CTNNA2: variants seen among roughly 807,000 people sequenced by gnomAD.
CTNNA2 encodes catenin alpha-2.
In CTNNA2, 42 loss-of-function variants were observed where a neutral mutation model predicts 101.0. The observed-to-expected ratio is 0.42, with a 90% CI of 0.32 to 0.54. The LOEUF (loss-of-function observed/expected upper bound fraction) is 0.54. Among genes scored for constraint, CTNNA2 ranks in the 20% least tolerant of loss-of-function variants. The pLI is 0.14. For missense variants in CTNNA2, 871 were observed against 1,223.1 expected, an observed-to-expected ratio of 0.71 and a Z score of 4.29; for synonymous variants, 450 against 456.4, an observed-to-expected ratio of 0.99 and a Z score of 0.18.
At chr2:80,009,279 T>G (rs1693598215) in intron 7 of CTNNA2, among the ~76,000 whole-genome samples, 1 of 152,222 alleles carries the variant, frequency 6.6e-6, no homozygotes, top group Admixed American at 6.5e-5. Context: ...GTGATTATTT[T>G]ACTCTGAGAA....
intron 1 of CTNNA2, among the ~76,000 whole-genome samples, chr2:79,617,641 A>G (rs1051360261): frequency 7.9e-5 from 12 of 152,158 alleles, no homozygotes; most frequent in African/African-American, 2.6e-4. Flanking sequence ...CATATTTCTG[A>G]ATATTTTAGA....
At chr2:79,870,035 T>C (rs1305351735) in intron 5 of CTNNA2, 100 bp downstream of exon 5, 7 of 1,419,536 alleles carry the variant, frequency 4.9e-6, no homozygotes, top group Middle Eastern at 3.6e-4. Flanking sequence ...ATCTGCTTGC[T>C]ATCAAATGCC....
At chr2:80,049,977 C>T (rs1441520667) in intron 7 of CTNNA2, among the ~76,000 whole-genome samples, 1 of 152,140 alleles carries the variant, frequency 6.6e-6, no homozygotes, top group Non-Finnish European at 1.5e-5. Flanking sequence ...GACTCTCAGT[C>T]ACCTGCTACC....
rs1026146770 is a variant in CTNNA2, at chr2:80,647,953, C to G, written c.*81C>G. The G allele has an allele frequency of 7.4e-7, 1 of 1,353,640 alleles. No individual in the cohort carries two copies. The highest frequency in any genetic ancestry group is 1.5e-5 in the African/African-American group (1 of 68,052). The allele number at this position is 1,353,640 out of a possible 1,614,324, so 83.9% of individuals were successfully genotyped here. A position where few individuals can be genotyped will look rare whatever the true frequency, so the allele number is the denominator to read the frequency against. ...TTTAATTCCATTTTTGTATGCATAC[C>G]TGCCAGCTCGTATGCCTCTGGCATG... On this transcript the variant is annotated 3_prime_UTR_variant, in exon 19 of 19. Transcript: ENST00000402739.
At chr2:79,904,147 G>A (rs1022216590) in intron 6 of CTNNA2, among the ~76,000 whole-genome samples, 2 of 152,086 alleles carry the variant, frequency 1.3e-5, no homozygotes, top group African/African-American at 4.8e-5. Flanking sequence ...AAACTCTTCT[G>A]GAAGTATTTT....
chr2:80,451,329 T>G (rs1055548448), intron 9 of CTNNA2, among the ~76,000 whole-genome samples: 1 of 152,114 alleles, frequency 6.6e-6, no homozygotes, highest in Admixed American at 6.5e-5. Flanking sequence ...TATAAGGAGC[T>G]TTTCCCCCTT....
At chr2:79,533,066 A>G (rs776634093) in intron 1 of CTNNA2, among the ~76,000 whole-genome samples, 2 of 151,560 alleles carry the variant, frequency 1.3e-5, no homozygotes, top group Non-Finnish European at 1.5e-5. Context: ...GACCTTCTAC[A>G]TGTCATTGAA....
intron 3 of CTNNA2, among the ~76,000 whole-genome samples, chr2:79,751,200 T>C (rs906221312): frequency 1.3e-5 from 2 of 152,124 alleles, no homozygotes; most frequent in Admixed American, 6.5e-5. Flanking sequence ...TTTCAGGCTG[T>C]ATCTAATTTT....
intron 9 of CTNNA2, among the ~76,000 whole-genome samples, chr2:80,440,560 G>T (rs982610651): frequency 6.6e-6 from 1 of 152,116 alleles, no homozygotes; most frequent in South Asian, 2.1e-4. Context: ...ACTTCTGTTT[G>T]TCCCTAAGAA....
At chr2:80,032,934 C>T (rs1290453153) in intron 7 of CTNNA2, among the ~76,000 whole-genome samples, 4 of 151,910 alleles carry the variant, frequency 2.6e-5, no homozygotes, top group East Asian at 1.9e-4. Context: ...AGGCGGATCA[C>T]GAGGTCAAGA....
chr2:79,205,091 C>T (rs1477897243), intron 2 of CTNNA2, among the ~76,000 whole-genome samples: 1 of 152,194 alleles, frequency 6.6e-6, no homozygotes, highest in East Asian at 1.9e-4. Context: ...GGAAGCAGCA[C>T]TGCTGAATTA....
chr2:79,334,921 C>T (rs1165617805), intron 3 of CTNNA2, among the ~76,000 whole-genome samples: 1 of 152,124 alleles, frequency 6.6e-6, no homozygotes. Context: ...CTAGACTTTG[C>T]CTGTTGGTTC....
intron 9 of CTNNA2, among the ~76,000 whole-genome samples, chr2:80,445,075 C>T (rs72914952): frequency 0.077 from 11,706 of 152,188 alleles, 751 homozygotes; most frequent in African/African-American, 0.17. Context: ...ACTGTCTTAA[C>T]CTTGTCTTAA....
intron 6 of CTNNA2, among the ~76,000 whole-genome samples, chr2:79,894,063 T>TTCTTCTTCTTCTTCTTCC (rs772035711): frequency 3.3e-5 from 2 of 61,318 alleles, no homozygotes; most frequent in Non-Finnish European, 6.7e-5. Context: ...CTTCTTCTTC[T>TTCTTCTTCTTCTTCTTCC]TCCTCCTCCT....
At chr2:80,126,435 A>G (rs571323567) in intron 7 of CTNNA2, among the ~76,000 whole-genome samples, 2 of 149,400 alleles carry the variant, frequency 1.3e-5, no homozygotes, top group Admixed American at 1.3e-4. Flanking sequence ...TTTGCTCTAA[A>G]TCTCTTACCT....
chr2:79,270,543 C>A (rs1035535325), intron 2 of CTNNA2, among the ~76,000 whole-genome samples: 1 of 152,194 alleles, frequency 6.6e-6, no homozygotes, highest in South Asian at 2.1e-4. Flanking sequence ...TACATGGCAG[C>A]AATTGCACAG....
intron 7 of CTNNA2, among the ~76,000 whole-genome samples, chr2:80,309,869 CAA>C (rs200164253): frequency 9.5e-6 from 1 of 105,010 alleles, no homozygotes; most frequent in Admixed American, 1.1e-4. Context: ...TACCACATCT[CAA>C]AAAAAAAAAA....
At chr2:79,310,110 T>C (rs1290029024) in intron 2 of CTNNA2, among the ~76,000 whole-genome samples, 2 of 152,206 alleles carry the variant, frequency 1.3e-5, no homozygotes, top group African/African-American at 4.8e-5. Context: ...TTTATTCTTT[T>C]GAGTTTTCTG....
At chr2:80,511,884 C>T (rs1267774815) in intron 9 of CTNNA2, among the ~76,000 whole-genome samples, 1 of 152,012 alleles carries the variant, frequency 6.6e-6, no homozygotes, top group African/African-American at 2.4e-5. Context: ...GGCGTGGTGG[C>T]TTATGCCTGT....
Sources: allele counts gnomAD v4.1 joint callset (sites outside exome capture counted in the v4.1 genomes callset), GRCh38; gene constraint gnomAD v4.1.1; transcripts MANE v1.5; gene names NCBI Gene and HGNC (gene_info 2026-07-23, HGNC 2026-07-21).